The following CEP350 variants were observed in gnomAD, a reference collection of about 807,000 sequenced individuals.
CEP350 encodes centrosome-associated protein 350.
A neutral mutation model predicts 331.8 loss-of-function variants in CEP350; 126 were observed. The observed-to-expected ratio is 0.38, with a 90% CI of 0.33 to 0.44. The LOEUF (loss-of-function observed/expected upper bound fraction) is 0.44. CEP350 is among the 20% of genes least tolerant of loss of function. The pLI is 1.00. For synonymous variants in CEP350, 1,200 were observed against 1,259.5 expected (o/e 0.95, Z 1.00); for missense variants, 3,406 against 3,634.6 (o/e 0.94, Z 1.62).
At chr1:180,058,696 T>C (rs1658010369) in intron 25 of CEP350, among the ~76,000 whole-genome samples, 1 of 152,190 alleles carries the variant, frequency 6.6e-6, no homozygotes, top group Non-Finnish European at 1.5e-5. Context: ...GTGACTACTT[T>C]TTCTTTTTGT....
intron 22 of CEP350, among the ~76,000 whole-genome samples, chr1:180,050,683 A>AC (rs1657436598): frequency 6.6e-6 from 1 of 151,654 alleles, no homozygotes; most frequent in African/African-American, 2.4e-5. Context: ...CAAAAAAAAA[A>AC]AAAAAAACAA....
chr1:180,011,970 CA>C lies in CEP350; in HGVS notation c.1293del (p.Lys431AsnfsTer2). On this transcript the variant is annotated frameshift_variant, in exon 9 of 38. Coordinates refer to ENST00000367607, the MANE Select transcript of CEP350 (RefSeq NM_014810.5). LOFTEE classifies it high-confidence loss of function. The part of the protein sequence containing the change: ...LISTSSWRDG[Q>X]KLVKKILGPA... Reference sequence around the variant, plus strand: ...AAGTACATCTTCTTGGCGAGATGGACAAAAATTAGTAAAGAAGATTCTGGGA... The same window carrying C: ...AAGTACATCTTCTTGGCGAGATGGACAAAATTAGTAAAGAAGATTCTGGGA... 6.2e-7 allele frequency: 1 copy of C among 1,601,110 alleles called. No homozygotes were observed. Among genetic ancestry groups the C allele is most frequent in the Non-Finnish European group, 8.5e-7 (1 of 1,173,000 alleles).
In CEP350 at chr1:180,041,261, G is replaced by A. The variant is rs772383328; in HGVS notation, c.4221+13G>A. On this transcript the variant is annotated intron_variant, in intron 18 of 37. Coordinates refer to ENST00000367607, the MANE Select transcript of CEP350 (RefSeq NM_014810.5). ...CAAAGCAGCTCAGGTAACTTATTTT[G>A]CAGCAGGTTCTTGTTTTTTAAACCT... 5 of 1,542,750 alleles carry A rather than the reference G, an allele frequency of 3.2e-6. No homozygotes were observed. The African/African-American group carries it at 4.1e-5, about 13-fold the overall frequency.
intron 1 of CEP350, among the ~76,000 whole-genome samples, chr1:179,960,495 A>G (rs1056167320): frequency 6.6e-6 from 1 of 152,208 alleles, no homozygotes; most frequent in African/African-American, 2.4e-5. Flanking sequence ...TAATGGAAAC[A>G]GCAATATTGG....
At position 180,027,616 on chromosome 1, in the gene CEP350, C is replaced by T. The variant is rs376375678; in HGVS notation, c.3550+3034C>T. On this transcript the variant is annotated intron_variant, in intron 14 of 37. Coordinates refer to ENST00000367607, the MANE Select transcript of CEP350 (RefSeq NM_014810.5). ...TCTAGGCTGGTCTCAAACTCCTGGG[C>T]TCAAGCAATCCACCTGTTTTAGCTT... Among the ~76,000 whole-genome samples the T allele has an allele frequency of 1.8e-4, 28 of 152,216 alleles. No individual in the cohort carries two copies. The East Asian group carries it at 5.0e-3, about 27-fold the overall frequency.
At chr1:180,062,748 TA>T (rs1316870244) in intron 26 of CEP350, among the ~76,000 whole-genome samples, 1 of 152,182 alleles carries the variant, frequency 6.6e-6, no homozygotes, top group Non-Finnish European at 1.5e-5. Flanking sequence ...ATTAAGCCAC[TA>T]AAGTCCAACC....
At chr1:180,058,812 A>G (rs1489006817) in intron 25 of CEP350, among the ~76,000 whole-genome samples, 1 of 152,180 alleles carries the variant, frequency 6.6e-6, no homozygotes, top group African/African-American at 2.4e-5. Flanking sequence ...GTGTAAGAAT[A>G]TATGTGCTAA....
chr1:180,003,607 C>G (rs1255121499), intron 7 of CEP350, among the ~76,000 whole-genome samples: 1 of 152,076 alleles, frequency 6.6e-6, no homozygotes, highest in African/African-American at 2.4e-5. Flanking sequence ...CCTCTGAGAT[C>G]TTTGAAGTAG....
intron 26 of CEP350, among the ~76,000 whole-genome samples, chr1:180,062,975 C>T (rs944445155): frequency 6.6e-6 from 1 of 152,048 alleles, no homozygotes; most frequent in Non-Finnish European, 1.5e-5. Flanking sequence ...CCACATAGTT[C>T]TTATACAATA....
intron 4 of CEP350, among the ~76,000 whole-genome samples, chr1:179,991,860 A>G (rs545757006): frequency 3.3e-5 from 5 of 152,028 alleles, no homozygotes; most frequent in Non-Finnish European, 7.4e-5. Flanking sequence ...CAATTTCTGT[A>G]TCAATGGAGT....
chr1:180,054,626 T>C, intron 25 of CEP350, 124 bp downstream of exon 25: 1 of 697,010 alleles, frequency 1.4e-6, no homozygotes, highest in Middle Eastern at 2.4e-4. Flanking sequence ...ATACTTCCAC[T>C]GTTTATGTTC....
At chr1:180,058,439 A>G (rs1258063872) in intron 25 of CEP350, among the ~76,000 whole-genome samples, 2 of 152,232 alleles carry the variant, frequency 1.3e-5, no homozygotes, top group Non-Finnish European at 2.9e-5. Flanking sequence ...GAATATATAC[A>G]GTATTATACC....
At chr1:179,976,532 AT>A (rs1226522949) in intron 1 of CEP350, among the ~76,000 whole-genome samples, 1 of 151,930 alleles carries the variant, frequency 6.6e-6, no homozygotes, top group African/African-American at 2.4e-5. Flanking sequence ...TAAGAAATAT[AT>A]GTCCCAGCTA....
chr1:180,004,906 G>GCTTTCTTTCTTTCTTTCTTTCTTTCTTT (rs1158546433), intron 7 of CEP350, among the ~76,000 whole-genome samples: 32 of 130,894 alleles, frequency 2.4e-4, no homozygotes, highest in African/African-American at 3.1e-4. Context: ...TTGCTTGCTT[G>GCTTTCTTTCTTTCTTTCTTTCTTTCTTT]CTTTCTTTCT....
rs114044551 is a variant in CEP350, at chr1:180,046,717, A to G, written c.4623-1819A>G. ...TTTTCCCACCACGTAAAATTTTTCT[A>G]CAGTCCTCACCAATGCTTGTTGTTT... is the stretch of plus-strand genomic sequence containing the variant. On this transcript the variant is annotated intron_variant, in intron 21 of 37. Transcript: ENST00000367607. 4.7e-3 allele frequency among the ~76,000 whole-genome samples: 716 copies of G among 152,310 alleles called. 6 individuals are homozygous for G. Among genetic ancestry groups the G allele is most frequent in the African/African-American group, 0.016 (678 of 41,572 alleles).
chr1:179,986,093 A>G (rs1278392388), intron 1 of CEP350, 76 bp from the exon 2 acceptor site: 1 of 1,211,236 alleles, frequency 8.3e-7, no homozygotes, highest in African/African-American at 1.5e-5. Context: ...TCATAATATA[A>G]TTTTTAATGA....
Position 180,031,443 on chromosome 1 carries a change from A to G in CEP350, c.3674A>G (p.Gln1225Arg), listed in dbSNP as rs188103945. The change falls in exon 15 of 38, where the codon CAG becomes CGG. Residue 1225 changes from glutamine (Q) to arginine (R), a missense_variant. Coordinates refer to ENST00000367607, the MANE Select transcript of CEP350 (RefSeq NM_014810.5). ...SSKLSVKDFE[Q>R]TLDTDSTLED... Reference sequence around the variant, plus strand: ...AAACTTTCTGTTAAAGATTTTGAGCAGACTCTTGATACAGATAGCACTTTG... The same window carrying G: ...AAACTTTCTGTTAAAGATTTTGAGCGGACTCTTGATACAGATAGCACTTTG... 121 of 1,598,036 alleles carry G rather than the reference A, an allele frequency of 7.6e-5. No homozygotes were observed. The Admixed American group carries it at 1.0e-3, about 14-fold the overall frequency.
Position 180,021,750 on chromosome 1 carries a change from G to A in CEP350, c.3235+741G>A, listed in dbSNP as rs755922897. On this transcript the variant is annotated intron_variant, in intron 12 of 37. Coordinates refer to ENST00000367607, the MANE Select transcript of CEP350 (RefSeq NM_014810.5). ...CAATCAAGAATTGAGAGGGATAAATGTAGTAACATTTCTAATATGAAAACA... is the reference window on the plus strand; with the variant it reads ...CAATCAAGAATTGAGAGGGATAAATATAGTAACATTTCTAATATGAAAACA... Among the ~76,000 whole-genome samples, 23 of 152,258 alleles carry A rather than the reference G, an allele frequency of 1.5e-4. 1 individual carries two copies. Among genetic ancestry groups the A allele is most frequent in the Middle Eastern group, 3.4e-3 (1 of 294 alleles).
intron 22 of CEP350, 35 bp downstream of exon 22, chr1:180,048,740 G>A (rs1373007821): frequency 3.3e-6 from 5 of 1,523,958 alleles, no homozygotes; most frequent in Non-Finnish European, 4.5e-6. Flanking sequence ...GTAATCATTT[G>A]TTCAGAAACC....
Sources: gnomAD v4.1 joint callset for allele counts (sites outside exome capture counted in the v4.1 genomes callset) on GRCh38, gnomAD v4.1.1 for gene constraint, MANE v1.5 for transcripts, NCBI Gene and HGNC (gene_info 2026-07-23, HGNC 2026-07-21) for gene names.